The following SVIL variants were observed in gnomAD, a reference collection of about 807,000 sequenced individuals.
SVIL encodes the protein archvillin.
In SVIL, 101 loss-of-function variants were observed where a neutral mutation model predicts 240.4. The observed-to-expected ratio is 0.42, with a 90% CI of 0.36 to 0.50. SVIL has a LOEUF of 0.50. SVIL is among the 20% of genes least tolerant of loss of function. The probability of loss-of-function intolerance (pLI) is 0.01; values close to 1 mark genes in which losing one functional copy is unlikely to be tolerated. For missense variants in SVIL, 2,512 were observed against 2,818.7 expected (o/e 0.89, Z 2.46); for synonymous variants, 999 against 1,100.0 (o/e 0.91, Z 1.82).
rs1349138381 is a variant in SVIL at position 29,695,864 on chromosome 10, GTCTCCC to G, written c.-399-9219_-399-9214del. 2.0e-3 allele frequency among the ~76,000 whole-genome samples: 25 copies of G among 12,400 alleles called. 2 individuals are homozygous for G. Among genetic ancestry groups the G allele is most frequent in the African/African-American group, 0.016 (24 of 1,522 alleles). 8.1% of individuals were successfully genotyped at this position (12,400 alleles called of 152,430 possible). On this transcript the variant is annotated intron_variant, in intron 1 of 35. Transcript: ENST00000375400. ...GTCTCCCTCTCCCTCTCCCTCTCCCGTCTCCCTCTCCCTCTCCCGTCTCCCTCTCCC... is the reference window on the plus strand; with the variant it reads ...GTCTCCCTCTCCCTCTCCCTCTCCCGTCTCCCTCTCCCGTCTCCCTCTCCC...
chr10:29,594,473 A>T (rs1439852885), intron 1 of SVIL, among the ~76,000 whole-genome samples: 2 of 151,852 alleles, frequency 1.3e-5, no homozygotes, highest in Non-Finnish European at 2.9e-5. Flanking sequence ...GTACCACTCT[A>T]GTGGGGGATG....
intron 18 of SVIL, among the ~76,000 whole-genome samples, chr10:29,497,750 TA>T (rs1948555971): frequency 6.6e-6 from 1 of 152,104 alleles, no homozygotes; most frequent in African/African-American, 2.4e-5. Context: ...TGACTTAGGG[TA>T]CATGGTTGCC....
At chr10:29,706,665 G>C (rs1485413352) in intron 1 of SVIL, among the ~76,000 whole-genome samples, 1 of 151,594 alleles carries the variant, frequency 6.6e-6, no homozygotes. Context: ...AATTAGATTG[G>C]TTTCTGTTGC....
chr10:29,562,525 C>T (rs573749562), intron 3 of SVIL, among the ~76,000 whole-genome samples: 84 of 152,296 alleles, frequency 5.5e-4, no homozygotes, highest in African/African-American at 1.9e-3. Context: ...CTTTGCAAGG[C>T]GGAGGCGGGC....
chr10:29,509,490 G>C (rs1054147158), intron 17 of SVIL, among the ~76,000 whole-genome samples: 36 of 152,244 alleles, frequency 2.4e-4, no homozygotes, highest in African/African-American at 8.7e-4. Flanking sequence ...GTGTAAAATG[G>C]GGAAAGAAGG....
intron 6 of SVIL, among the ~76,000 whole-genome samples, chr10:29,543,170 T>C (rs754607230): frequency 1.3e-5 from 2 of 152,178 alleles, no homozygotes; most frequent in African/African-American, 2.4e-5. Flanking sequence ...CAAGGTCTGA[T>C]TGCAAAAATT....
In SVIL at chr10:29,499,144, G is replaced by C. The variant is rs1412697932; in HGVS notation, c.3636C>G (p.Phe1212Leu). ...TCTTCACCATCCTGCCAGCCACAGT[G>C]AACTGGGTCGAGTCGTTGGCCGCTC... ...GRGAANDSTQ[F>L]TVAGRMVKKG... The change falls in exon 18 of 38, where the codon TTC (phenylalanine) becomes TTG (leucine). Residue 1212 changes from phenylalanine (F) to leucine (L), a missense_variant. By Grantham distance (22) the Phe-to-Leu change is conservative. Around this residue, in one of 3 missense-constraint regions of SVIL, gnomAD observed 272 missense variants for 406.8 expected, o/e 0.67. Transcript: ENST00000355867. 1 of 1,613,552 alleles carries C rather than the reference G, an allele frequency of 6.2e-7. No homozygotes were observed. The highest frequency in any genetic ancestry group is 1.3e-5 in the African/African-American group (1 of 74,616).
intron 2 of SVIL, among the ~76,000 whole-genome samples, chr10:29,563,543 C>A (rs1374105011): frequency 6.6e-6 from 1 of 152,112 alleles, no homozygotes; most frequent in East Asian, 1.9e-4. Context: ...TGTGTGAAAA[C>A]ATTGCTGAAC....
chr10:29,726,515 G>C (rs1964298175), intron 1 of SVIL, among the ~76,000 whole-genome samples: 1 of 152,052 alleles, frequency 6.6e-6, no homozygotes, highest in African/African-American at 2.4e-5. Context: ...GGGAGGCCGA[G>C]GCGGGCGGAT....
In SVIL at chr10:29,465,767, A is replaced by G. The variant is rs1944838180; in HGVS notation, c.5978-17T>C. 6.2e-7 allele frequency: 1 copy of G among 1,609,512 alleles called. No individual in the cohort carries two copies. Among genetic ancestry groups the G allele is most frequent in the Admixed American group, 1.7e-5 (1 of 59,536 alleles). ...TTCCAGGATCTTTGAAAGAAAAGAGAACAAAGCTGAAGATATCATGTGCAT... is the reference window on the plus strand; with the variant it reads ...TTCCAGGATCTTTGAAAGAAAAGAGGACAAAGCTGAAGATATCATGTGCAT... On this transcript the variant is annotated splice_polypyrimidine_tract_variant and intron_variant, in intron 33 of 37. Transcript: ENST00000355867.
Position 29,554,937 on chromosome 10 carries a change from G to A in SVIL, c.9-3C>T, listed in dbSNP as rs1953763643. ...GGCGCCTGGCAATTCTTTCTTTTCT[G>A]TGAAATACACCACAAGAGGCAGAGT... is the stretch of plus-strand genomic sequence containing the variant. On this transcript the variant is annotated splice_polypyrimidine_tract_variant and splice_region_variant and intron_variant, in intron 4 of 37. Coordinates refer to ENST00000355867, the MANE Select transcript of SVIL (RefSeq NM_021738.3). 6.2e-7 allele frequency: 1 copy of A among 1,610,740 alleles called. No individual in the cohort carries two copies. Among genetic ancestry groups the A allele is most frequent in the South Asian group, 1.1e-5 (1 of 90,518 alleles).
At position 29,533,599 on chromosome 10, in the gene SVIL, T is replaced by C. The variant is rs927784686; in HGVS notation, c.909-141A>G. The C allele has an allele frequency of 3.5e-5, 49 of 1,383,370 alleles. No homozygotes were observed. In the East Asian group the frequency reaches 5.5e-4, roughly 16 times the overall value. The allele number at this position is 1,383,370 out of a possible 1,614,324, so 85.7% of individuals were successfully genotyped here. On this transcript the variant is annotated intron_variant, in intron 7 of 37. Transcript: ENST00000355867. Reference sequence around the variant, plus strand: ...TGTGAAAAAGCATTTTGGTGTCTAATGTCAACTACTTGTCAGATGATCCTG... The same window carrying C: ...TGTGAAAAAGCATTTTGGTGTCTAACGTCAACTACTTGTCAGATGATCCTG...
Position 29,457,924 on chromosome 10 carries a change from CAAAAA to C in SVIL, c.*318_*322del, listed in dbSNP as rs34048226. The C allele has an allele frequency of 6.5e-5, 9 of 138,660 alleles. No homozygotes were observed. The highest frequency in any genetic ancestry group is 1.8e-4 in the East Asian group (1 of 5,420). The allele number at this position is 138,660 out of a possible 1,614,324, so 8.6% of individuals were successfully genotyped here. On this transcript the variant is annotated 3_prime_UTR_variant, in exon 38 of 38. Coordinates refer to ENST00000355867, the MANE Select transcript of SVIL (RefSeq NM_021738.3). ...TAACACTTTATAAAGAGAACTGCTT[CAAAAA>C]AAAAAAAAAAAGGCATTGCCTAGCT...
chr10:29,493,415 A>G (rs760701985), intron 20 of SVIL, 24 bp from the exon 21 acceptor site: 5 of 1,611,766 alleles, frequency 3.1e-6, no homozygotes, highest in South Asian at 1.1e-5. Flanking sequence ...AGCAAAAGAC[A>G]TAAGAGTTTT....
intron 5 of SVIL, among the ~76,000 whole-genome samples, chr10:29,554,490 T>C (rs568128503): frequency 6.8e-6 from 1 of 148,072 alleles, no homozygotes; most frequent in Non-Finnish European, 1.5e-5. Flanking sequence ...CAAAAATGTT[T>C]AAAAAAAAAA....
intron 13 of SVIL, 103 bp downstream of exon 13, chr10:29,526,858 G>A: frequency 3.0e-6 from 3 of 984,408 alleles, no homozygotes; most frequent in Non-Finnish European, 2.9e-6. Context: ...TCACGGCATT[G>A]ACTTGTTTGT....
intron 2 of SVIL, among the ~76,000 whole-genome samples, chr10:29,673,065 C>A (rs973401394): frequency 6.6e-6 from 1 of 152,008 alleles, no homozygotes; most frequent in Non-Finnish European, 1.5e-5. Context: ...AGGCACCCAC[C>A]GCCACACCCA....
At chr10:29,736,139 G>A (rs7911261), upstream of SVIL, among the ~76,000 whole-genome samples, 1,979 of 152,222 alleles carry the variant, frequency 0.013, 48 homozygotes, top group African/African-American at 0.046. Context: ...ACTCTCGGGG[G>A]AAGCACCAGA....
intron 2 of SVIL, among the ~76,000 whole-genome samples, chr10:29,658,237 AG>A (rs1302158051): frequency 6.6e-6 from 1 of 152,256 alleles, no homozygotes; most frequent in Non-Finnish European, 1.5e-5. Flanking sequence ...TACAGATTAC[AG>A]GCAGTGGTTA....
Sources: gnomAD v4.1 joint callset for allele counts (sites outside exome capture counted in the v4.1 genomes callset) on GRCh38, gnomAD v4.1.1 for gene constraint, gnomAD v4.1.1 regional missense constraint, MANE v1.5 for transcripts, NCBI Gene and HGNC (gene_info 2026-07-23, HGNC 2026-07-21) for gene names.